The following EML6 variants were observed in gnomAD, a reference collection of about 807,000 sequenced individuals.
The protein encoded by EML6 is echinoderm microtubule-associated protein-like 6.
EML6 carries 154 observed loss-of-function variants against 240.1 expected under a neutral mutation model. The ratio of observed to expected loss-of-function variants is 0.64; its 90% confidence interval spans 0.56 to 0.73. EML6 has a LOEUF of 0.73. Ranked by LOEUF, EML6 falls within the 30% of genes least tolerant of loss-of-function variation. The pLI is 0.00. For synonymous variants in EML6, 1,148 were observed against 899.0 expected, an observed-to-expected ratio of 1.28 and a Z score of -4.95; for missense variants, 2,964 against 2,474.6, an observed-to-expected ratio of 1.20 and a Z score of -4.20.
intron 24 of EML6, among the ~76,000 whole-genome samples, chr2:54,909,617 G>A (rs1342853156): frequency 6.6e-6 from 1 of 152,016 alleles, no homozygotes; most frequent in East Asian, 1.9e-4. Flanking sequence ...AGGCCGAGGT[G>A]GGCAGATCAC....
Position 54,844,027 on chromosome 2 carries a change from G to C in EML6, c.848-20G>C. 1.4e-6 allele frequency: 2 copies of C among 1,397,814 alleles called. No homozygotes were observed. The highest frequency in any genetic ancestry group is 2.0e-6 in the Non-Finnish European group (2 of 1,024,744). 86.6% of individuals were successfully genotyped at this position (1,397,814 alleles called of 1,614,324 possible). A position where few individuals can be genotyped will look rare whatever the true frequency, so the allele number is the denominator to read the frequency against. On this transcript the variant is annotated intron_variant, in intron 7 of 41. Transcript: ENST00000356458. Reference sequence around the variant, plus strand: ...GTGAATAGTGTGAAGATTTGCTTTTGTTTTACTTATTTTTGTCAGGCCTCT... The same window carrying C: ...GTGAATAGTGTGAAGATTTGCTTTTCTTTTACTTATTTTTGTCAGGCCTCT...
chr2:54,815,591 G>C (rs112967894), intron 3 of EML6, among the ~76,000 whole-genome samples: 251 of 152,180 alleles, frequency 1.6e-3, no homozygotes, highest in African/African-American at 5.8e-3. Context: ...CACCCATTCA[G>C]ATTTTCTTAT....
chr2:54,853,092 C>G (rs1670178888), intron 10 of EML6, among the ~76,000 whole-genome samples: 1 of 152,088 alleles, frequency 6.6e-6, no homozygotes, highest in South Asian at 2.1e-4. Context: ...CATTAATCTA[C>G]TGAGCCTGAA....
At chr2:54,732,396 A>G (rs764757553) in intron 2 of EML6, among the ~76,000 whole-genome samples, 3 of 151,768 alleles carry the variant, frequency 2.0e-5, no homozygotes, top group South Asian at 2.1e-4. Context: ...ATTTACTCCT[A>G]TGTTTTCTTC....
chr2:54,732,436 T>G (rs2104379580), intron 2 of EML6, among the ~76,000 whole-genome samples: 1 of 152,348 alleles, frequency 6.6e-6, no homozygotes, highest in African/African-American at 2.4e-5. Context: ...GCTCTTACAT[T>G]TAGGTAGATG....
At chr2:54,953,285 A>G (rs992295228) in intron 31 of EML6, among the ~76,000 whole-genome samples, 4 of 152,158 alleles carry the variant, frequency 2.6e-5, no homozygotes, top group Admixed American at 6.5e-5. Flanking sequence ...GCCATTGCTC[A>G]CCCAATGCAG....
Position 54,853,775 on chromosome 2 carries a change from C to G in EML6, c.1577C>G (p.Ala526Gly). ...GTTACTGACATCAACTCAGTGGATG[C>G]GAATTACAACAGCTCAGTGCTGGTG... ...TEVTDINSVDANYNSSVLVSG... is the reference protein window; with the variant it reads ...TEVTDINSVDGNYNSSVLVSG... The change falls in exon 11 of 42, where the codon GCG becomes GGG. Residue 526 changes from alanine (A) to glycine (G), a missense_variant. Transcript: ENST00000356458. 6.4e-7 allele frequency: 1 copy of G among 1,551,410 alleles called. No homozygotes were observed.
chr2:54,737,138 TTTGA>T (rs1683432625), intron 2 of EML6, among the ~76,000 whole-genome samples: 1 of 152,170 alleles, frequency 6.6e-6, no homozygotes. Context: ...ATATTCTGAA[TTTGA>T]TTGTAGCAAT....
intron 6 of EML6, among the ~76,000 whole-genome samples, chr2:54,828,564 C>G (rs1054632937): frequency 1.3e-5 from 2 of 152,218 alleles, no homozygotes; most frequent in African/African-American, 4.8e-5. Flanking sequence ...ACTCTTAGAG[C>G]TATGACATTT....
chr2:54,909,858 A>T (rs1378018128), intron 24 of EML6, among the ~76,000 whole-genome samples: 1 of 151,434 alleles, frequency 6.6e-6, no homozygotes. Context: ...CTCAAAAAAA[A>T]AAAAAAAAAA....
At chr2:54,888,666 AT>A (rs1206087617) in intron 17 of EML6, among the ~76,000 whole-genome samples, 1 of 151,898 alleles carries the variant, frequency 6.6e-6, no homozygotes, top group Non-Finnish European at 1.5e-5. Flanking sequence ...ATATATTTAC[AT>A]TTCTTCCATG....
At chr2:54,812,873 C>A (rs1253223261) in intron 2 of EML6, among the ~76,000 whole-genome samples, 1 of 151,918 alleles carries the variant, frequency 6.6e-6, no homozygotes. Context: ...AAATTAAAGT[C>A]AAAAGCTAAC....
At chr2:54,824,575 T>C (rs936234484) in intron 5 of EML6, among the ~76,000 whole-genome samples, 1 of 152,224 alleles carries the variant, frequency 6.6e-6, no homozygotes. Context: ...TTTGTATAGC[T>C]AGGGTGAAAT....
chr2:54,745,276 G>T (rs1323095978), intron 2 of EML6, among the ~76,000 whole-genome samples: 1 of 152,156 alleles, frequency 6.6e-6, no homozygotes, highest in Non-Finnish European at 1.5e-5. Context: ...CCCAAGGAGG[G>T]AACAGGTTGG....
At chr2:54,790,102 C>A (rs776859364) in intron 2 of EML6, among the ~76,000 whole-genome samples, 1 of 152,126 alleles carries the variant, frequency 6.6e-6, no homozygotes, top group Non-Finnish European at 1.5e-5. Context: ...GAATGTCTTC[C>A]GATGACATTG....
intron 4 of EML6, among the ~76,000 whole-genome samples, chr2:54,819,297 T>C (rs1668217485): frequency 1.3e-5 from 2 of 152,158 alleles, no homozygotes; most frequent in South Asian, 2.1e-4. Flanking sequence ...TCCTGGAGTC[T>C]CTTTAAAGTG....
At chr2:54,968,802 A>G (rs1452097231) in intron 41 of EML6, 34 bp downstream of exon 41, 1 of 1,195,350 alleles carries the variant, frequency 8.4e-7, no homozygotes, top group South Asian at 1.3e-5. Flanking sequence ...CTTACTCCAC[A>G]GGCCTGGCCA....
Position 54,903,373 on chromosome 2 carries a change from AC to A in EML6, c.3281del (p.Thr1094ArgfsTer49). On this transcript the variant is annotated frameshift_variant, in exon 24 of 42. Coordinates refer to ENST00000356458, the MANE Select transcript of EML6 (RefSeq NM_001039753.4). LOFTEE classifies it high-confidence loss of function. Reference protein sequence around the residue: ...MISDIKFSKDTGKYLAVASHD... With the variant: ...MISDIKFSKDXGKYLAVASHD... Reference sequence around the variant, plus strand: ...TAACCCCACATTTTTCTTAACAGATACGGGAAAATACCTTGCCGTGGCATCC... The same window carrying A: ...TAACCCCACATTTTTCTTAACAGATAGGGAAAATACCTTGCCGTGGCATCC... 1 of 1,551,194 alleles carries A rather than the reference AC, an allele frequency of 6.4e-7. No individual in the cohort carries two copies. Among genetic ancestry groups the A allele is most frequent in the Non-Finnish European group, 8.7e-7 (1 of 1,146,832 alleles).
intron 2 of EML6, among the ~76,000 whole-genome samples, chr2:54,742,467 T>C (rs964338376): frequency 6.6e-6 from 1 of 152,214 alleles, no homozygotes; most frequent in South Asian, 2.1e-4. Context: ...CCTGATTTCA[T>C]GGGGGCAGAA....
Sources: allele counts gnomAD v4.1 joint callset (sites outside exome capture counted in the v4.1 genomes callset), GRCh38; gene constraint gnomAD v4.1.1; transcripts MANE v1.5; gene names NCBI Gene and HGNC (gene_info 2026-07-23, HGNC 2026-07-21).